Variants in NDUFAF6 observed in about 807,000 individuals in gnomAD.
NDUFAF6 encodes NADH dehydrogenase (ubiquinone) complex I, assembly factor 6.
NDUFAF6 carries 45 observed loss-of-function variants against 40.8 expected under a neutral mutation model. That is an observed-to-expected ratio of 1.10 (90% CI 0.87 to 1.42). The LOEUF (loss-of-function observed/expected upper bound fraction) is 1.42, where lower values mean the gene tolerates loss of function less well. NDUFAF6 is among the 40% of genes most tolerant of loss of function. The pLI, the probability that NDUFAF6 is intolerant of heterozygous loss-of-function variation, is 0.00. For missense variants in NDUFAF6, 435 were observed against 418.5 expected (o/e 1.04, Z -0.34); for synonymous variants, 185 against 155.9 (o/e 1.19, Z -1.39).
intron 9 of NDUFAF6, among the ~76,000 whole-genome samples, chr8:95,065,884 TA>T (rs34415117): frequency 0.4 from 60,771 of 151,956 alleles, 12,495 homozygotes; most frequent in East Asian, 0.68. Flanking sequence ...TCCTTTGATT[TA>T]GTTCTTTATA....
chr8:95,108,045 C>T (rs1220746753), downstream of NDUFAF6, among the ~76,000 whole-genome samples: 2 of 152,106 alleles, frequency 1.3e-5, no homozygotes, highest in South Asian at 2.1e-4. Context: ...AAAACAACAA[C>T]GACAAAAAAC....
rs1189669303 is a variant in NDUFAF6 at position 95,045,556 on chromosome 8, G to A, written c.489G>A (p.Leu163=). Residue 163 remains leucine, a synonymous_variant, in exon 5 of 9, where the codon CTG becomes CTA. Transcript: ENST00000396124. ...TTTATTTGATGTAGGAAAAAAATCT[G>A]GATGACAAAGCATATCGTAATATCA... ...MKIVDEREKN[L]DDKAYRNIKE... is the part of the protein sequence containing the mutation. 1 of 1,612,620 alleles carries A rather than the reference G, an allele frequency of 6.2e-7. No homozygotes were observed. Among genetic ancestry groups the A allele is most frequent in the East Asian group, 2.2e-5 (1 of 44,728 alleles).
chr8:95,087,317 G>T (rs1453179362), intron 2 of NDUFAF6, among the ~76,000 whole-genome samples: 2 of 152,116 alleles, frequency 1.3e-5, no homozygotes, highest in Non-Finnish European at 2.9e-5. Context: ...CATCCCCAAA[G>T]ATTTTTTTTA....
intron 2 of NDUFAF6, among the ~76,000 whole-genome samples, chr8:95,007,795 G>T (rs1045873536): frequency 6.6e-6 from 1 of 151,168 alleles, no homozygotes; most frequent in Admixed American, 6.6e-5. Context: ...TTTTCTCTAG[G>T]TTCACTGCAA....
intron 2 of NDUFAF6, among the ~76,000 whole-genome samples, chr8:94,995,966 C>G (rs760884344): frequency 6.6e-6 from 1 of 152,160 alleles, no homozygotes; most frequent in Admixed American, 6.6e-5. Flanking sequence ...TTAGTAGAGA[C>G]AGGATTTCAT....
At chr8:95,045,481 A>G in intron 4 of NDUFAF6, 64 bp from the exon 5 acceptor site, 1 of 1,160,350 alleles carries the variant, frequency 8.6e-7, no homozygotes. Flanking sequence ...GGCAAAAAAC[A>G]GCACCTTTTC....
chr8:94,994,425 C>T (rs1033019874), intron 2 of NDUFAF6, among the ~76,000 whole-genome samples: 1 of 151,956 alleles, frequency 6.6e-6, no homozygotes, highest in African/African-American at 2.4e-5. Flanking sequence ...GTGGCTGGCA[C>T]CTGTATTCCC....
exon 10 of NDUFAF6, chr8:95,075,827 CT>C: frequency 3.7e-6 from 2 of 546,710 alleles, no homozygotes; most frequent in Non-Finnish European, 6.1e-6. Context: ...GCACACACTT[CT>C]CCTTGCGCTA....
intron 1 of NDUFAF6, among the ~76,000 whole-genome samples, chr8:94,915,966 T>A (rs2131246775): frequency 6.6e-6 from 1 of 152,316 alleles, no homozygotes; most frequent in South Asian, 2.1e-4. Flanking sequence ...TCTCCTTCTT[T>A]GTTAGCAATA....
chr8:94,940,270 CAGG>C, intron 1 of NDUFAF6: 1 of 1,536,684 alleles, frequency 6.5e-7, no homozygotes. Flanking sequence ...AAGAGTCCCA[CAGG>C]AGGATGATTA....
At chr8:94,911,199 G>C (rs1818757995) in intron 1 of NDUFAF6, among the ~76,000 whole-genome samples, 1 of 152,150 alleles carries the variant, frequency 6.6e-6, no homozygotes, top group African/African-American at 2.4e-5. Context: ...TTGATATTGT[G>C]ATTCTTTAAT....
intron 2 of NDUFAF6, among the ~76,000 whole-genome samples, chr8:94,948,520 AGGCCGCGGACAGGCGGGGGCCGGTGGCC>A (rs1324566677): frequency 6.6e-6 from 1 of 152,232 alleles, no homozygotes; most frequent in Admixed American, 6.5e-5. Flanking sequence ...AGCAAGGGAC[AGGCCGCGGACAGGCGGGGGCCGGTGGCC>A]GGGTCACGGA....
chr8:94,980,450 T>G (rs1192272611), intron 1 of NDUFAF6, among the ~76,000 whole-genome samples: 21 of 142,482 alleles, frequency 1.5e-4, no homozygotes, highest in South Asian at 4.4e-4. Context: ...TTGTTTTTTT[T>G]TTTTTTTTTT....
intron 2 of NDUFAF6, among the ~76,000 whole-genome samples, chr8:94,995,207 A>G (rs1390631148): frequency 2.6e-5 from 4 of 152,226 alleles, no homozygotes; most frequent in African/African-American, 7.2e-5. Flanking sequence ...GCTAAGTGAT[A>G]AAAATTCATA....
At chr8:95,082,795 G>A (rs376297290) in intron 2 of NDUFAF6, among the ~76,000 whole-genome samples, 40 of 151,850 alleles carry the variant, frequency 2.6e-4, no homozygotes, top group Middle Eastern at 6.8e-3. Context: ...AAGTAGCTGG[G>A]ACTACAGGCG....
chr8:94,957,586 C>T (rs1823189410), upstream of NDUFAF6, among the ~76,000 whole-genome samples: 1 of 152,144 alleles, frequency 6.6e-6, no homozygotes, highest in Admixed American at 6.5e-5. Context: ...ACAATGAGAA[C>T]AGTGAGGTGG....
intron 2 of NDUFAF6, among the ~76,000 whole-genome samples, chr8:94,947,499 C>T (rs911585047): frequency 6.6e-6 from 1 of 152,070 alleles, no homozygotes; most frequent in Non-Finnish European, 1.5e-5. Flanking sequence ...GGAGAAAAAC[C>T]AAGCCAAGAA....
intron 8 of NDUFAF6, among the ~76,000 whole-genome samples, chr8:95,057,266 C>G (rs921564165): frequency 3.3e-5 from 5 of 152,230 alleles, no homozygotes; most frequent in Non-Finnish European, 5.9e-5. Flanking sequence ...TTCTATCCTG[C>G]TGCTATCCTT....
intron 1 of NDUFAF6, among the ~76,000 whole-genome samples, chr8:94,961,199 A>G (rs979460849): frequency 3.3e-5 from 5 of 151,948 alleles, no homozygotes; most frequent in African/African-American, 9.7e-5. Flanking sequence ...TCACCACTAC[A>G]CTCTCTCACA....
Sources: allele counts gnomAD v4.1 joint callset (sites outside exome capture counted in the v4.1 genomes callset), GRCh38; gene constraint gnomAD v4.1.1; transcripts MANE v1.5; gene names NCBI Gene and HGNC (gene_info 2026-07-23, HGNC 2026-07-21).